The following TENT5D variants were observed in gnomAD, a reference collection of about 807,000 sequenced individuals.
TENT5D encodes terminal nucleotidyltransferase 5D.
For synonymous variants in TENT5D, 103 were observed against 100.6 expected, an observed-to-expected ratio of 1.02 and a Z score of -0.15; for missense variants, 191 against 287.0, an observed-to-expected ratio of 0.67 and a Z score of 2.42.
intron 1 of TENT5D, among the ~76,000 whole-genome samples, chrX:80,436,430 T>C (rs1320696870): frequency 9.0e-6 from 1 of 110,811 alleles, no homozygotes; most frequent in Non-Finnish European, 1.9e-5. Flanking sequence ...CTGGGATACA[T>C]GTGCAGGACG....
At chrX:80,364,283 C>T in intron 3 of TENT5D, among the ~76,000 whole-genome samples, 1 of 111,577 alleles carries the variant, frequency 9.0e-6, no homozygotes, top group Non-Finnish European at 1.9e-5. Context: ...CCCATACACA[C>T]ACACACTTTT....
upstream of TENT5D, among the ~76,000 whole-genome samples, chrX:80,418,733 T>TA (rs1043562164): frequency 1.8e-5 from 2 of 112,064 alleles, no homozygotes; most frequent in Non-Finnish European, 3.8e-5. Context: ...CTATATCTGA[T>TA]ATATGTATTT....
intron 3 of TENT5D, among the ~76,000 whole-genome samples, chrX:80,370,327 C>A (rs1930599383): frequency 9.0e-6 from 1 of 111,346 alleles, no homozygotes; most frequent in Non-Finnish European, 1.9e-5. Context: ...TACAATTAAA[C>A]CTTGAGTGGA....
intron 3 of TENT5D, among the ~76,000 whole-genome samples, chrX:80,342,837 G>C (rs1229021736): frequency 8.9e-6 from 1 of 111,813 alleles, no homozygotes; most frequent in East Asian, 2.8e-4. Context: ...TTATGTACAT[G>C]TGTTTGGCAA....
chrX:80,427,607 A>G (rs781440722), intron 1 of TENT5D, among the ~76,000 whole-genome samples: 1 of 111,933 alleles, frequency 8.9e-6, no homozygotes, highest in South Asian at 3.7e-4. Context: ...AATAGACATT[A>G]CACACACAAC....
exon 3 of TENT5D, chrX:80,342,529 T>C (rs1188884301): frequency 3.6e-5 from 4 of 112,390 alleles, no homozygotes; most frequent in Non-Finnish European, 5.6e-5. Context: ...TATCTAACAC[T>C]TCTCATCTAT....
intron 1 of TENT5D, among the ~76,000 whole-genome samples, chrX:80,422,869 G>C (rs768959626): frequency 9.0e-6 from 1 of 111,324 alleles, no homozygotes; most frequent in South Asian, 3.8e-4. Context: ...TCCACAGAGG[G>C]GTTAGTGATT....
intron 3 of TENT5D, among the ~76,000 whole-genome samples, chrX:80,413,813 T>A (rs956058632): frequency 2.7e-5 from 3 of 111,870 alleles, no homozygotes; most frequent in Middle Eastern, 4.6e-3. Flanking sequence ...TTCCTTTGGA[T>A]TTGATCAAGT....
intron 2 of TENT5D, among the ~76,000 whole-genome samples, chrX:80,440,991 G>A (rs1484273451): frequency 9.0e-6 from 1 of 110,882 alleles, no homozygotes; most frequent in Non-Finnish European, 1.9e-5. Flanking sequence ...ACTTCATGTA[G>A]CATCTTGCTC....
chrX:80,387,287 C>G (rs765372646), intron 3 of TENT5D, among the ~76,000 whole-genome samples: 17 of 111,965 alleles, frequency 1.5e-4, no homozygotes, highest in Admixed American at 2.8e-4. Context: ...GCTCTTGATG[C>G]TTGTAGATAT....
chrX:80,349,555 T>C (rs1338814317), intron 3 of TENT5D, among the ~76,000 whole-genome samples: 1 of 110,932 alleles, frequency 9.0e-6, no homozygotes, highest in Non-Finnish European at 1.9e-5. Flanking sequence ...TCTTTTCTTC[T>C]AGTCTGGCTA....
chrX:80,409,801 C>T (rs1260052996), intron 3 of TENT5D, among the ~76,000 whole-genome samples: 1 of 101,454 alleles, frequency 9.9e-6, no homozygotes, highest in Non-Finnish European at 2.0e-5. Flanking sequence ...CAATCCTAAG[C>T]CAAAAGAACA....
At chrX:80,407,782 A>T (rs1215581045) in intron 3 of TENT5D, among the ~76,000 whole-genome samples, 108 of 106,890 alleles carry the variant, frequency 1.0e-3, no homozygotes, top group African/African-American at 3.5e-3. Context: ...CTCCACCCCA[A>T]ATCAACAGAA....
At chrX:80,381,205 C>A (rs1362790317) in intron 3 of TENT5D, among the ~76,000 whole-genome samples, 2 of 111,052 alleles carry the variant, frequency 1.8e-5, no homozygotes, top group Non-Finnish European at 3.8e-5. Flanking sequence ...TTTTATTTCC[C>A]CTTCACTTAT....
intron 3 of TENT5D, among the ~76,000 whole-genome samples, chrX:80,389,465 G>A (rs1931085837): frequency 1.8e-5 from 2 of 111,994 alleles, no homozygotes; most frequent in Non-Finnish European, 3.8e-5. Flanking sequence ...CCCCATAGAT[G>A]GTATTTAAAA....
At chrX:80,397,029 G>T (rs913040620) in intron 3 of TENT5D, among the ~76,000 whole-genome samples, 2 of 95,661 alleles carry the variant, frequency 2.1e-5, no homozygotes, top group African/African-American at 3.9e-5. Flanking sequence ...CGGGGGGGGG[G>T]CTGACCCCCA....
chrX:80,436,637 G>A (rs368053619), intron 1 of TENT5D, among the ~76,000 whole-genome samples: 14 of 110,810 alleles, frequency 1.3e-4, no homozygotes, highest in African/African-American at 3.9e-4. Flanking sequence ...GAGAACCTGC[G>A]GTGTTTGGCT....
intron 3 of TENT5D, among the ~76,000 whole-genome samples, chrX:80,406,401 T>C (rs1931497157): frequency 9.3e-6 from 1 of 106,987 alleles, no homozygotes; most frequent in East Asian, 3.0e-4. Flanking sequence ...AGAGAAGTGC[T>C]TAAAGGAGCT....
chrX:80,417,861 T>C (rs1344694822), upstream of TENT5D, among the ~76,000 whole-genome samples: 3 of 111,598 alleles, frequency 2.7e-5, no homozygotes, highest in Non-Finnish European at 5.6e-5. Flanking sequence ...GCCTTGTTAG[T>C]GAGCTTGGGA....
Sources: allele counts gnomAD v4.1 joint callset (sites outside exome capture counted in the v4.1 genomes callset), GRCh38; gene constraint gnomAD v4.1.1; transcripts MANE v1.5; gene names NCBI Gene and HGNC (gene_info 2026-07-23, HGNC 2026-07-21).